PRKCB: variants seen among roughly 807,000 people sequenced by gnomAD.
The protein encoded by PRKCB is protein kinase C beta.
In PRKCB, 13 loss-of-function variants were observed where a neutral mutation model predicts 81.5. That is an observed-to-expected ratio of 0.16 (90% CI 0.10 to 0.25). The LOEUF (loss-of-function observed/expected upper bound fraction) is 0.25, where lower values mean the gene tolerates loss of function less well. Among genes scored for constraint, PRKCB ranks in the 10% least tolerant of loss-of-function variants. The pLI, the probability that PRKCB is intolerant of heterozygous loss-of-function variation, is 1.00. For synonymous variants in PRKCB, 335 were observed against 321.4 expected, an observed-to-expected ratio of 1.04 and a Z score of -0.45; for missense variants, 509 against 875.7, an observed-to-expected ratio of 0.58 and a Z score of 5.29.
In PRKCB at chr16:24,034,917, G is replaced by A. The variant is rs371511562; in HGVS notation, c.401-502G>A. Among the ~76,000 whole-genome samples the A allele has an allele frequency of 3.2e-4, 48 of 152,200 alleles. No homozygotes were observed. In the South Asian group the frequency reaches 6.6e-3, roughly 21 times the overall value. The stretch of plus-strand genomic sequence containing the variant: ...AAAAACCTTGTGCTCAAAACTCCCC[G>A]TCTCAGACTCTTTCCAGGGAGCCCA... On this transcript the variant is annotated intron_variant, in intron 4 of 16. Coordinates refer to ENST00000643927, the MANE Select transcript of PRKCB (RefSeq NM_002738.7).
At position 24,220,317 on chromosome 16, in the gene PRKCB, C is replaced by T. The variant is rs1353732955; in HGVS notation, c.*5501C>T. 9 of 537,776 alleles carry T rather than the reference C, an allele frequency of 1.7e-5. No homozygotes were observed. The highest frequency in any genetic ancestry group is 5.1e-4 in the Middle Eastern group (1 of 1,946). 33.3% of individuals were successfully genotyped at this position (537,776 alleles called of 1,614,324 possible). A position where few individuals can be genotyped will look rare whatever the true frequency, so the allele number is the denominator to read the frequency against. ...GTTTAGTTTAGAATAAGCGCATTAT[C>T]CAATTATAGAGGTACAATTTTCCAA... On this transcript the variant is annotated 3_prime_UTR_variant, in exon 17 of 17. Coordinates refer to ENST00000643927, the MANE Select transcript of PRKCB (RefSeq NM_002738.7).
At chr16:24,174,451 C>A in intron 11 of PRKCB, 67 bp from the exon 12 acceptor site, 1 of 1,404,974 alleles carries the variant, frequency 7.1e-7, no homozygotes, top group Non-Finnish European at 1.0e-6. Context: ...GTATTGAATT[C>A]TGAGCATTGC....
chr16:24,066,018 G>A (rs1360571662), intron 5 of PRKCB, among the ~76,000 whole-genome samples: 1 of 151,480 alleles, frequency 6.6e-6, no homozygotes, highest in African/African-American at 2.4e-5. Flanking sequence ...TATGCAATCT[G>A]TATGATTTTA....
chr16:24,090,758 A>T (rs904913974), intron 5 of PRKCB, among the ~76,000 whole-genome samples: 2 of 152,206 alleles, frequency 1.3e-5, no homozygotes, highest in African/African-American at 4.8e-5. Context: ...AGGGTACTTG[A>T]AACTGAGATT....
intron 13 of PRKCB, 31 bp downstream of exon 13, chr16:24,180,959 C>A: frequency 6.2e-7 from 1 of 1,609,206 alleles, no homozygotes; most frequent in Non-Finnish European, 8.5e-7. Context: ...GTTCACATTG[C>A]GGTGATGTAC....
At chr16:24,069,725 G>A (rs1051231422) in intron 5 of PRKCB, among the ~76,000 whole-genome samples, 1 of 152,188 alleles carries the variant, frequency 6.6e-6, no homozygotes, top group Non-Finnish European at 1.5e-5. Context: ...GAGTAACAAA[G>A]CAAGACTTTG....
At chr16:23,932,826 G>A (rs984006483) in intron 2 of PRKCB, among the ~76,000 whole-genome samples, 10 of 152,230 alleles carry the variant, frequency 6.6e-5, no homozygotes, top group Admixed American at 5.9e-4. Context: ...TGAACTGGGG[G>A]CTTTTAGTGG....
intron 16 of PRKCB, among the ~76,000 whole-genome samples, chr16:24,204,457 G>C (rs1968012283): frequency 1.3e-5 from 2 of 152,126 alleles, no homozygotes; most frequent in Non-Finnish European, 2.9e-5. Flanking sequence ...GTTAAGTAGA[G>C]ATAATCCTTT....
At chr16:23,985,599 A>C (rs910159382) in intron 2 of PRKCB, among the ~76,000 whole-genome samples, 2 of 152,216 alleles carry the variant, frequency 1.3e-5, no homozygotes, top group African/African-American at 4.8e-5. Context: ...AATTATCTTG[A>C]ATTTAATTTC....
chr16:23,954,328 T>G (rs1171451919), intron 2 of PRKCB, among the ~76,000 whole-genome samples: 1 of 152,056 alleles, frequency 6.6e-6, no homozygotes, highest in South Asian at 2.1e-4. Flanking sequence ...CCTTGGCTAA[T>G]CTTTGTGACC....
intron 1 of PRKCB, among the ~76,000 whole-genome samples, chr16:23,836,899 C>G (rs1019970269): frequency 1.3e-4 from 20 of 152,150 alleles, no homozygotes; most frequent in Middle Eastern, 3.4e-3. Context: ...CCTGGGTTCC[C>G]CTTTCCACTC....
intron 8 of PRKCB, among the ~76,000 whole-genome samples, chr16:24,123,071 A>C (rs887598696): frequency 1.3e-5 from 2 of 152,248 alleles, no homozygotes; most frequent in African/African-American, 4.8e-5. Context: ...ATTGGAAGGA[A>C]ACAAGTGAAC....
chr16:23,916,957 G>A (rs1220684005), intron 2 of PRKCB, among the ~76,000 whole-genome samples: 2 of 151,376 alleles, frequency 1.3e-5, no homozygotes, highest in Non-Finnish European at 2.9e-5. Context: ...ATTGTTGTTG[G>A]TAGAGACAGG....
chr16:23,938,022 C>T (rs28734145), intron 2 of PRKCB, among the ~76,000 whole-genome samples: 56,083 of 151,950 alleles, frequency 0.37, 10,586 homozygotes, highest in South Asian at 0.55. Context: ...AAGAGAGCTG[C>T]AGTGGATGAG....
At chr16:24,181,007 G>A (rs1189907307) in intron 13 of PRKCB, 79 bp downstream of exon 13, 4 of 1,548,666 alleles carry the variant, frequency 2.6e-6, no homozygotes, top group Non-Finnish European at 2.6e-6. Context: ...AGCTGGGAAG[G>A]GTTGAGGGTG....
intron 2 of PRKCB, among the ~76,000 whole-genome samples, chr16:23,934,781 G>C (rs1964035903): frequency 6.6e-6 from 1 of 152,154 alleles, no homozygotes; most frequent in Non-Finnish European, 1.5e-5. Flanking sequence ...GTGCATGTCA[G>C]TGTGTTTTCC....
At chr16:24,110,215 T>C (rs1245585569) in intron 7 of PRKCB, among the ~76,000 whole-genome samples, 4 of 147,000 alleles carry the variant, frequency 2.7e-5, no homozygotes, top group Non-Finnish European at 6.0e-5. Context: ...CTTTTAAGTC[T>C]ATTTTTTTTT....
chr16:24,009,591 A>ATTTT (rs143129853), intron 3 of PRKCB, among the ~76,000 whole-genome samples: 1 of 148,130 alleles, frequency 6.8e-6, no homozygotes, highest in African/African-American at 2.5e-5. Flanking sequence ...CGCCCGGCCT[A>ATTTT]TTTTTTTTTT....
intron 2 of PRKCB, among the ~76,000 whole-genome samples, chr16:23,916,759 C>T (rs1435737724): frequency 2.6e-5 from 4 of 152,040 alleles, no homozygotes; most frequent in African/African-American, 9.7e-5. Context: ...GCATATAGAA[C>T]ATCCTCATTC....
Sources: gnomAD v4.1 joint callset for allele counts (sites outside exome capture counted in the v4.1 genomes callset) on GRCh38, gnomAD v4.1.1 for gene constraint, MANE v1.5 for transcripts, NCBI Gene and HGNC (gene_info 2026-07-23, HGNC 2026-07-21) for gene names.